Variants in HHATL observed in about 807,000 individuals in gnomAD.
HHATL encodes the protein hedgehog acyltransferase like, also known as protein-cysteine N-palmitoyltransferase HHAT-like protein.
A neutral mutation model predicts 59.7 loss-of-function variants in HHATL; 49 were observed. That is an observed-to-expected ratio of 0.82 (90% CI 0.65 to 1.04). HHATL has a LOEUF of 1.04. Ranked by LOEUF, HHATL falls within the 50% of genes least tolerant of loss-of-function variation. The pLI is 0.00. For synonymous variants in HHATL, 238 were observed against 257.3 expected (o/e 0.93, Z 0.72); for missense variants, 605 against 650.8 (o/e 0.93, Z 0.77).
chr3:42,693,917 C>A lies in HHATL; in HGVS notation c.1047-99G>T, dbSNP rs910578876. 7.2e-6 allele frequency: 7 copies of A among 966,410 alleles called. No individual in the cohort carries two copies. In the Admixed American group the frequency reaches 1.2e-4, roughly 16 times the overall value. 59.9% of individuals were successfully genotyped at this position (966,410 alleles called of 1,614,324 possible). A position where few individuals can be genotyped will look rare whatever the true frequency, so the allele number is the denominator to read the frequency against. ...CAGGGCGTCCTCCTCAACACTGTCA[C>A]CCTGGGTGCATTCAACATTCCTGAC... On this transcript the variant is annotated intron_variant, in intron 9 of 11. Transcript: ENST00000441594.
intron 1 of HHATL, among the ~76,000 whole-genome samples, chr3:42,702,329 G>A (rs1222569129): frequency 1.3e-5 from 2 of 152,240 alleles, no homozygotes; most frequent in Non-Finnish European, 2.9e-5. Flanking sequence ...AGCTCCCCAT[G>A]GCCGGTGCGG....
At chr3:42,696,813 G>C in intron 9 of HHATL, 29 bp downstream of exon 9, 1 of 1,612,492 alleles carries the variant, frequency 6.2e-7, no homozygotes, top group Non-Finnish European at 8.5e-7. Context: ...CAGGATGGCT[G>C]TGACCACCCC....
chr3:42,694,573 G>A (rs903809611), intron 9 of HHATL, among the ~76,000 whole-genome samples: 1 of 152,132 alleles, frequency 6.6e-6, no homozygotes, highest in East Asian at 1.9e-4. Context: ...TCTTTACTCT[G>A]GCTAGAAGAT....
chr3:42,701,382 C>G lies in HHATL; in HGVS notation c.-13-543G>C, dbSNP rs1241995969. ...GCTGCCCCTAGAGCCAAGCCTCCAT[C>G]CTCGCATTAAGCCTCCAGCCTGTCA... On this transcript the variant is annotated intron_variant, in intron 1 of 11. Transcript: ENST00000441594. The surrounding 1 kb of genome is among the most constrained non-coding windows in gnomAD (Gnocchi z 5.1). 6.5e-6 allele frequency: 1 copy of G among 154,428 alleles called. No individual in the cohort carries two copies. Among genetic ancestry groups the G allele is most frequent in the Admixed American group, 6.5e-5 (1 of 15,442 alleles). The allele number at this position is 154,428 out of a possible 1,614,324, so 9.6% of individuals were successfully genotyped here. A position where few individuals can be genotyped will look rare whatever the true frequency, so the allele number is the denominator to read the frequency against.
chr3:42,698,099 G>A, intron 6 of HHATL, 43 bp downstream of exon 6: 3 of 1,571,710 alleles, frequency 1.9e-6, no homozygotes, highest in South Asian at 2.2e-5. Flanking sequence ...TCTGAAAAGG[G>A]AGATTCAGCC....
At chr3:42,695,785 T>C (rs1008012691) in intron 9 of HHATL, among the ~76,000 whole-genome samples, 1 of 152,136 alleles carries the variant, frequency 6.6e-6, no homozygotes, top group African/African-American at 2.4e-5. Context: ...CTTCTCTTCC[T>C]CCTCCTCCCA....
chr3:42,701,888 G>A lies in HHATL; in HGVS notation c.-14+691C>T, dbSNP rs1029076020. ...AAGAGGTGGCTGATGTGGCCCTTTT[G>A]CCCACCCTTGATCCTCCCCTAAATC... On this transcript the variant is annotated intron_variant, in intron 1 of 11. Transcript: ENST00000441594. This position sits in a 1 kb window ranked among gnomAD's most constrained non-coding sequence, Gnocchi z 5.1. Among the ~76,000 whole-genome samples, 3 of 152,170 alleles carry A rather than the reference G, an allele frequency of 2.0e-5. No individual in the cohort carries two copies. The highest frequency in any genetic ancestry group is 2.0e-4 in the Admixed American group (3 of 15,286).
chr3:42,698,562 C>T, intron 5 of HHATL, 146 bp downstream of exon 5: 1 of 1,066,944 alleles, frequency 9.4e-7, no homozygotes, highest in Non-Finnish European at 1.4e-6. Flanking sequence ...CAGGTGCTCA[C>T]CTTGTGGCCA....
chr3:42,695,685 G>A (rs536760827), intron 9 of HHATL, among the ~76,000 whole-genome samples: 19 of 152,242 alleles, frequency 1.2e-4, no homozygotes, highest in African/African-American at 4.6e-4. Context: ...GCTGATGGCC[G>A]TGCCTCCTGC....
chr3:42,693,244 A>G (rs980801134), intron 10 of HHATL, 26 bp from the exon 11 acceptor site: 2 of 1,611,620 alleles, frequency 1.2e-6, no homozygotes, highest in Non-Finnish European at 1.7e-6. Flanking sequence ...AAGCATGGGC[A>G]GCGGGACAAG....
In HHATL at chr3:42,701,288, C is replaced by T. The variant is rs562764897; in HGVS notation, c.-13-449G>A. ...GAGTCTCCCTTAGCTCCTCACAAAG[C>T]CCCAGCTTCTCTAAGACCCTTTCTC... On this transcript the variant is annotated intron_variant, in intron 1 of 11. Transcript: ENST00000441594. The surrounding 1 kb of genome is among the most constrained non-coding windows in gnomAD (Gnocchi z 5.1). 6.3e-6 allele frequency: 1 copy of T among 157,714 alleles called. No homozygotes were observed. The highest frequency in any genetic ancestry group is 1.9e-4 in the South Asian group (1 of 5,208). 9.8% of individuals were successfully genotyped at this position (157,714 alleles called of 1,614,324 possible).
At chr3:42,699,723 G>A (rs778351258) in intron 3 of HHATL, 35 bp downstream of exon 3, 103 of 1,540,876 alleles carry the variant, frequency 6.7e-5, no homozygotes, top group Middle Eastern at 1.7e-4. Flanking sequence ...AGAAGGGTTC[G>A]GGATGGGAGG....
rs142328947 is a variant in HHATL, at chr3:42,692,851, A to G, written c.1415T>C (p.Ile472Thr). 83 of 1,614,032 alleles carry G rather than the reference A, an allele frequency of 5.1e-5. No homozygotes were observed. The African/African-American group carries it at 1.1e-3, about 21-fold the overall frequency. The change falls in exon 12 of 12, where the codon ATC becomes ACC. Residue 472 changes from isoleucine to threonine, a missense_variant. Physicochemically the swap from Ile to Thr is moderately conservative, Grantham distance 89 (BLOSUM62 -1). Transcript: ENST00000441594. ...GACGCCACAGTAGGTGACAAACAGG[A>G]TGGACAGCGTGGTCTGGGGGAACCC... ...LTGFPQTTLS[I>T]LFVTYCGVQL...
At chr3:42,697,270 A>C in intron 7 of HHATL, 125 bp from the exon 8 acceptor site, 2 of 1,262,712 alleles carry the variant, frequency 1.6e-6, no homozygotes, top group South Asian at 1.6e-5. Context: ...ACCCCCCCAT[A>C]TTGTGGAAAT....
intron 9 of HHATL, among the ~76,000 whole-genome samples, chr3:42,696,560 G>A (rs111988923): frequency 5.6e-4 from 86 of 152,266 alleles, no homozygotes; most frequent in African/African-American, 1.9e-3. Flanking sequence ...CAATTTGAGC[G>A]TCATCTCCTT....
Position 42,698,172 on chromosome 3 carries a change from G to A in HHATL, c.663C>T (p.Pro221=), listed in dbSNP as rs17852073. The change falls in exon 6 of 12, where the codon CCC becomes CCT. Residue 221 remains proline, a synonymous_variant. Coordinates refer to ENST00000441594, the MANE Select transcript of HHATL (RefSeq NM_020707.4). ...CATGGAAGCGATCAAAGGTCATGATGGGCCCGAAGAAGAAGAAGGGCAGGT... is the reference window on the plus strand; with the variant it reads ...CATGGAAGCGATCAAAGGTCATGATAGGCCCGAAGAAGAAGAAGGGCAGGT... The part of the protein sequence containing the change: ...NFYLPFFFFG[P]IMTFDRFHAQ... 4 of 1,614,070 alleles carry A rather than the reference G, an allele frequency of 2.5e-6. No homozygotes were observed. Among genetic ancestry groups the A allele is most frequent in the Admixed American group, 1.7e-5 (1 of 60,012 alleles).
chr3:42,692,990 T>C, intron 11 of HHATL, 87 bp downstream of exon 11: 1 of 1,588,298 alleles, frequency 6.3e-7, no homozygotes, highest in Non-Finnish European at 8.6e-7. Flanking sequence ...CCAGGGGTGA[T>C]GAGGGAGATA....
chr3:42,698,785 C>T lies in HHATL; in HGVS notation c.406G>A (p.Gly136Ser). ...CVGLYVASLL[G>S]QPWLCLGLGL... ...AGGCCAAGACAGAGCCAGGGCTGGC[C>T]CAAAAGCGAGGCCACATAGAGGCCC... The change falls in exon 5 of 12, where the codon GGC becomes AGC. Residue 136 changes from glycine (G) to serine (S), a missense_variant. Physicochemically the swap from Gly to Ser is moderately conservative, Grantham distance 56. Coordinates refer to ENST00000441594, the MANE Select transcript of HHATL (RefSeq NM_020707.4). 1.2e-6 allele frequency: 2 copies of T among 1,612,956 alleles called. No individual in the cohort carries two copies. The highest frequency in any genetic ancestry group is 1.7e-6 in the Non-Finnish European group (2 of 1,179,622).
At chr3:42,694,710 T>C (rs1004878742) in intron 9 of HHATL, among the ~76,000 whole-genome samples, 3 of 152,196 alleles carry the variant, frequency 2.0e-5, no homozygotes, top group Non-Finnish European at 4.4e-5. Flanking sequence ...TCTCAAGGCC[T>C]TTGCCCTTGT....
Sources: allele counts gnomAD v4.1 joint callset (sites outside exome capture counted in the v4.1 genomes callset), GRCh38; gene constraint gnomAD v4.1.1; non-coding constraint Gnocchi (gnomAD v3.1); transcripts MANE v1.5; gene names NCBI Gene and HGNC (gene_info 2026-07-23, HGNC 2026-07-21).